PTPRT: variants seen among roughly 807,000 people sequenced by gnomAD.
PTPRT encodes protein tyrosine phosphatase receptor type T, also known as receptor-type tyrosine-protein phosphatase T.
Under a neutral mutation model 176.8 loss-of-function variants are expected in PTPRT, and 56 were observed. The observed-to-expected ratio is 0.32, with a 90% CI of 0.26 to 0.40. The LOEUF (loss-of-function observed/expected upper bound fraction) is 0.40, where lower values mean the gene tolerates loss of function less well. Ranked by LOEUF, PTPRT falls within the 10% of genes least tolerant of loss-of-function variation. The pLI is 1.00. For synonymous variants in PTPRT, 783 were observed against 739.0 expected (o/e 1.06, Z -0.96); for missense variants, 1,540 against 1,908.2 (o/e 0.81, Z 3.60).
intron 24 of PTPRT, among the ~76,000 whole-genome samples, 179 bp from the exon 25 acceptor site, chr20:42,104,897 C>A (rs1004859771): frequency 6.6e-6 from 1 of 152,166 alleles, no homozygotes; most frequent in Non-Finnish European, 1.5e-5. Context: ...TAATGATCAC[C>A]TGAGCTATGG....
At chr20:42,212,023 C>CCAATGTCAAATTGGAA (rs1555802421) in intron 15 of PTPRT, among the ~76,000 whole-genome samples, 1 of 144,412 alleles carries the variant, frequency 6.9e-6, no homozygotes, top group Non-Finnish European at 1.5e-5. Context: ...TGGAAAACAT[C>CCAATGTCAAATTGGAA]ATTCTCAGTA....
At chr20:42,721,309 G>A (rs952685786) in intron 6 of PTPRT, among the ~76,000 whole-genome samples, 4 of 152,222 alleles carry the variant, frequency 2.6e-5, no homozygotes, top group African/African-American at 9.6e-5. Flanking sequence ...GGATGTCAAG[G>A]GAAGTGCATG....
At chr20:43,136,798 G>A (rs952090894) in intron 1 of PTPRT, among the ~76,000 whole-genome samples, 1 of 152,160 alleles carries the variant, frequency 6.6e-6, no homozygotes, top group Admixed American at 6.5e-5. Context: ...AATTCATGAG[G>A]CAGCATATGT....
chr20:42,185,622 C>T (rs916881153), intron 16 of PTPRT, among the ~76,000 whole-genome samples: 17 of 152,206 alleles, frequency 1.1e-4, no homozygotes, highest in African/African-American at 3.9e-4. Flanking sequence ...CACCTTTATT[C>T]AATTCTGAAC....
At chr20:42,048,715 G>T in the PTPRT span, among the ~76,000 whole-genome samples, 1 of 152,136 alleles carries the variant, frequency 6.6e-6, no homozygotes, top group Non-Finnish European at 1.5e-5. Context: ...AAAACCTCAG[G>T]CATGAAGGGG....
At chr20:42,434,333 T>C (rs904968052) in intron 9 of PTPRT, among the ~76,000 whole-genome samples, 2 of 152,230 alleles carry the variant, frequency 1.3e-5, no homozygotes, top group African/African-American at 4.8e-5. Context: ...TGCATTTTTA[T>C]TTATTAAACA....
intron 27 of PTPRT, among the ~76,000 whole-genome samples, chr20:42,093,358 G>T (rs1194558108): frequency 6.6e-6 from 1 of 152,206 alleles, no homozygotes; most frequent in Non-Finnish European, 1.5e-5. Flanking sequence ...CAGACATTTG[G>T]AGTCCTAAAG....
chr20:42,142,866 T>C (rs1035130532), intron 17 of PTPRT, among the ~76,000 whole-genome samples: 1 of 152,188 alleles, frequency 6.6e-6, no homozygotes, highest in African/African-American at 2.4e-5. Flanking sequence ...GGGGACTTCA[T>C]TAATGATAGA....
At chr20:42,168,072 T>C (rs1989904886) in intron 16 of PTPRT, among the ~76,000 whole-genome samples, 1 of 152,130 alleles carries the variant, frequency 6.6e-6, no homozygotes. Context: ...GAGAAAATCA[T>C]AAGGAAGAGA....
At chr20:42,548,896 T>C (rs2072720683) in intron 7 of PTPRT, among the ~76,000 whole-genome samples, 1 of 152,106 alleles carries the variant, frequency 6.6e-6, no homozygotes, top group Non-Finnish European at 1.5e-5. Context: ...GAAATGAAGA[T>C]GAACACAATG....
chr20:42,352,390 A>G (rs1343421693), intron 9 of PTPRT, 105 bp from the exon 10 acceptor site: 20 of 1,133,592 alleles, frequency 1.8e-5, no homozygotes, highest in Non-Finnish European at 2.6e-5. Context: ...AGGGGCAGGC[A>G]TGTGAACTTG....
At chr20:43,077,081 G>A (rs929361923) in intron 1 of PTPRT, among the ~76,000 whole-genome samples, 4 of 152,272 alleles carry the variant, frequency 2.6e-5, no homozygotes, top group Middle Eastern at 3.4e-3. Flanking sequence ...ATGTGATCTG[G>A]CCCCAGCCCA....
At chr20:42,068,845 T>TCAGAGGACTG (rs1982196067), downstream of PTPRT, among the ~76,000 whole-genome samples, 1 of 152,210 alleles carries the variant, frequency 6.6e-6, no homozygotes. Context: ...ATGGAGTCAG[T>TCAGAGGACTG]CCTCATTATA....
intron 5 of PTPRT, among the ~76,000 whole-genome samples, chr20:42,768,786 T>C (rs746007410): frequency 6.6e-6 from 1 of 152,210 alleles, no homozygotes; most frequent in South Asian, 2.1e-4. Flanking sequence ...TTGGTTTACA[T>C]TGAAAAGGAG....
intron 7 of PTPRT, among the ~76,000 whole-genome samples, chr20:42,472,898 C>G (rs900642042): frequency 6.6e-6 from 1 of 152,176 alleles, no homozygotes; most frequent in Non-Finnish European, 1.5e-5. Flanking sequence ...GTACCACACA[C>G]AGCACACTCC....
chr20:42,278,254 C>T (rs1036085410), intron 13 of PTPRT, among the ~76,000 whole-genome samples: 5 of 140,548 alleles, frequency 3.6e-5, no homozygotes, highest in South Asian at 2.2e-4. Flanking sequence ...GTTTAAGAGG[C>T]CATCTTAAAG....
intron 7 of PTPRT, among the ~76,000 whole-genome samples, chr20:42,635,107 A>C (rs1473271896): frequency 6.6e-6 from 1 of 152,076 alleles, no homozygotes; most frequent in African/African-American, 2.4e-5. Context: ...GAAATACTGA[A>C]AAAAAATATT....
intron 9 of PTPRT, among the ~76,000 whole-genome samples, chr20:42,389,852 C>CA (rs769093573): frequency 0.013 from 1,666 of 127,182 alleles, 48 homozygotes; most frequent in African/African-American, 0.042. Flanking sequence ...AAAACCCTGT[C>CA]AAAAAAAAAA....
chr20:42,192,392 C>T, intron 16 of PTPRT, among the ~76,000 whole-genome samples: 1 of 152,198 alleles, frequency 6.6e-6, no homozygotes, highest in East Asian at 1.9e-4. Context: ...CTAAAATAAT[C>T]TGGCTAAAAT....
Sources: allele counts gnomAD v4.1 joint callset (sites outside exome capture counted in the v4.1 genomes callset), GRCh38; gene constraint gnomAD v4.1.1; transcripts MANE v1.5; gene names NCBI Gene and HGNC (gene_info 2026-07-23, HGNC 2026-07-21).